The following RAB37 variants were observed in gnomAD, a reference collection of about 807,000 sequenced individuals.
RAB37 encodes ras-related protein Rab-37.
Under a neutral mutation model 33.1 loss-of-function variants are expected in RAB37, and 29 were observed. The observed-to-expected ratio is 0.88, with a 90% CI of 0.65 to 1.20. The LOEUF (loss-of-function observed/expected upper bound fraction) is 1.20, where lower values mean the gene tolerates loss of function less well. Among genes scored for constraint, RAB37 ranks in the 50% most tolerant of loss-of-function variants. The probability of loss-of-function intolerance (pLI) is 0.00; values close to 1 mark genes in which losing one functional copy is unlikely to be tolerated. For missense variants in RAB37, 299 were observed against 301.1 expected (o/e 0.99, Z 0.05); for synonymous variants, 128 against 119.5 (o/e 1.07, Z -0.47).
upstream of RAB37, among the ~76,000 whole-genome samples, chr17:74,735,439 G>T (rs2034461312): frequency 6.6e-6 from 1 of 152,210 alleles, no homozygotes; most frequent in African/African-American, 2.4e-5. Context: ...CAGAGGCTGA[G>T]GCAGGAGAAT....
At chr17:74,704,412 T>G (rs2033337396) in intron 1 of RAB37, 1 of 1,140,906 alleles carries the variant, frequency 8.8e-7, no homozygotes, top group Non-Finnish European at 1.3e-6. Flanking sequence ...ATCACTTGAG[T>G]AGGACCTCAG....
At chr17:74,737,001 C>G (rs959120131), upstream of RAB37, 3 of 1,596,968 alleles carry the variant, frequency 1.9e-6, no homozygotes, top group African/African-American at 4.0e-5. Context: ...GGACCGGTCC[C>G]GGGGCTGGAT....
intron 1 of RAB37, among the ~76,000 whole-genome samples, chr17:74,707,557 A>G (rs969325929): frequency 2.0e-5 from 3 of 152,090 alleles, no homozygotes; most frequent in African/African-American, 7.2e-5. Flanking sequence ...TCTACTAAAA[A>G]TACAAAAATT....
At chr17:74,718,767 G>A (rs148027212) in intron 1 of RAB37, among the ~76,000 whole-genome samples, 12 of 152,272 alleles carry the variant, frequency 7.9e-5, no homozygotes, top group African/African-American at 2.9e-4. Flanking sequence ...AAGTCACTCC[G>A]AATCCTGCCA....
At position 74,730,550 on chromosome 17, in the gene RAB37, C is replaced by T. The variant is rs2034371844; in HGVS notation, c.183+1184C>T. 6.6e-6 allele frequency among the ~76,000 whole-genome samples: 1 copy of T among 152,104 alleles called. No individual in the cohort carries two copies. The highest frequency in any genetic ancestry group is 1.5e-5 in the Non-Finnish European group (1 of 68,006). ...TCCCCAGACTGGGACCGGCTGGGCT[C>T]TGGTAGTGCTGAATAGGGAAGGGCT... On this transcript the variant is annotated intron_variant, in intron 2 of 7. Coordinates refer to the RAB37 transcript ENST00000340415. The surrounding 1 kb of genome is among the most constrained non-coding windows in gnomAD (Gnocchi z 4.4).
chr17:74,688,316 A>G (rs7213497), intron 1 of RAB37, among the ~76,000 whole-genome samples: 31,497 of 152,076 alleles, frequency 0.21, 3,460 homozygotes, highest in East Asian at 0.31. Context: ...TTGGGAGGCC[A>G]AGGCAGGGGG....
chr17:74,718,316 CATCATATCATATCATATCATATCAT>C (rs57513588), intron 1 of RAB37, among the ~76,000 whole-genome samples: 1 of 147,586 alleles, frequency 6.8e-6, no homozygotes, highest in African/African-American at 2.5e-5. Flanking sequence ...TCATATCATA[CATCATATCATATCATATCATATCAT>C]ATCATATCAT....
intron 1 of RAB37, among the ~76,000 whole-genome samples, chr17:74,709,084 C>T (rs904168733): frequency 1.4e-4 from 21 of 151,178 alleles, no homozygotes; most frequent in Non-Finnish European, 1.8e-4. Context: ...ATTAGCTGGG[C>T]GTGGTGGCGG....
At chr17:74,700,922 G>C (rs2032995977) in intron 1 of RAB37, among the ~76,000 whole-genome samples, 1 of 141,622 alleles carries the variant, frequency 7.1e-6, no homozygotes, top group African/African-American at 2.4e-5. Context: ...GGTCACTGGG[G>C]CAGGCCCTAA....
chr17:74,719,365 A>G (rs979982472), intron 1 of RAB37, among the ~76,000 whole-genome samples: 80 of 152,066 alleles, frequency 5.3e-4, no homozygotes, highest in African/African-American at 1.9e-3. Flanking sequence ...TGGGAGGATC[A>G]CCCGAGCCCA....
At chr17:74,703,188 G>A in intron 1 of RAB37, 2 of 1,496,596 alleles carry the variant, frequency 1.3e-6, no homozygotes, top group South Asian at 2.3e-5. Context: ...AGATGCCCCT[G>A]CCCATGAGCC....
At chr17:74,684,912 G>A (rs1248985491) in intron 1 of RAB37, among the ~76,000 whole-genome samples, 5 of 151,166 alleles carry the variant, frequency 3.3e-5, no homozygotes, top group Non-Finnish European at 7.4e-5. Context: ...TCCATCATAG[G>A]AATTTTGTTA....
intron 1 of RAB37, among the ~76,000 whole-genome samples, chr17:74,697,044 C>T (rs577054534): frequency 1.2e-4 from 18 of 152,292 alleles, no homozygotes; most frequent in Admixed American, 5.9e-4. Flanking sequence ...TGGGTTCAAG[C>T]GATTCTCCTG....
chr17:74,681,129 G>T (rs1005231088), intron 1 of RAB37, among the ~76,000 whole-genome samples: 14 of 152,258 alleles, frequency 9.2e-5, no homozygotes, highest in Admixed American at 4.6e-4. Flanking sequence ...GGCAGAGATG[G>T]CTCAGGCCAC....
rs539136452 is a variant in RAB37, at chr17:74,675,149, A to G, written c.72+3491A>G. Among the ~76,000 whole-genome samples, 25 of 152,280 alleles carry G rather than the reference A, an allele frequency of 1.6e-4. No individual in the cohort carries two copies. The South Asian group carries it at 5.0e-3, about 30-fold the overall frequency. On this transcript the variant is annotated intron_variant, in intron 1 of 7. Coordinates refer to the RAB37 transcript ENST00000340415. The stretch of plus-strand genomic sequence containing the variant: ...AATCTCTGGAATATAGGAAGCATTC[A>G]ATAAAAGTGGTTGTATTGGCTGGGC...
intron 1 of RAB37, among the ~76,000 whole-genome samples, chr17:74,684,252 T>C (rs1363906821): frequency 1.3e-5 from 2 of 151,300 alleles, no homozygotes; most frequent in Non-Finnish European, 2.9e-5. Flanking sequence ...ATGTGTGCCA[T>C]GAAGCCCTGT....
chr17:74,737,122 G>A (rs766198692), upstream of RAB37: 5 of 1,597,718 alleles, frequency 3.1e-6, no homozygotes, highest in East Asian at 2.3e-5. Flanking sequence ...AGCAAGGTCC[G>A]AGCCGGTGTC....
At position 74,745,603 on chromosome 17, in the gene RAB37, G is replaced by A. The variant is rs898324646; in HGVS notation, c.*192G>A. The A allele has an allele frequency of 8.7e-6, 5 of 573,634 alleles. No individual in the cohort carries two copies. Among genetic ancestry groups the A allele is most frequent in the Admixed American group, 6.4e-5 (2 of 31,478 alleles). The allele number at this position is 573,634 out of a possible 1,614,324, so 35.5% of individuals were successfully genotyped here. On this transcript the variant is annotated 3_prime_UTR_variant, in exon 9 of 9. Transcript: ENST00000392613. The surrounding 1 kb of genome is among the most constrained non-coding windows in gnomAD (Gnocchi z 4.5). ...GCGGTCTCCCCGCATCCACAGGGAGGGTAAAACACTTAGCTTTTATTTTAA... is the reference window on the plus strand; with the variant it reads ...GCGGTCTCCCCGCATCCACAGGGAGAGTAAAACACTTAGCTTTTATTTTAA...
chr17:74,729,486 A>G lies in RAB37; in HGVS notation c.183+120A>G. The G allele has an allele frequency of 1.3e-6, 1 of 768,072 alleles. No individual in the cohort carries two copies. Among genetic ancestry groups the G allele is most frequent in the South Asian group, 1.4e-5 (1 of 70,336 alleles). 47.6% of individuals were successfully genotyped at this position (768,072 alleles called of 1,614,324 possible). A position where few individuals can be genotyped will look rare whatever the true frequency, so the allele number is the denominator to read the frequency against. On this transcript the variant is annotated intron_variant, in intron 2 of 7. Coordinates refer to the RAB37 transcript ENST00000340415. The surrounding 1 kb of genome is among the most constrained non-coding windows in gnomAD (Gnocchi z 4.2). ...TTGGATCATTCAAGGAGGATTAAGGAGAAGACTGTTCCCCAAGGTGTAGGA... is the reference window on the plus strand; with the variant it reads ...TTGGATCATTCAAGGAGGATTAAGGGGAAGACTGTTCCCCAAGGTGTAGGA...
Sources: allele counts gnomAD v4.1 joint callset (sites outside exome capture counted in the v4.1 genomes callset), GRCh38; gene constraint gnomAD v4.1.1; non-coding constraint Gnocchi (gnomAD v3.1); transcripts MANE v1.5; gene names NCBI Gene and HGNC (gene_info 2026-07-23, HGNC 2026-07-21).